The following RTN4 variants were observed in gnomAD, a reference collection of about 807,000 sequenced individuals.
RTN4 encodes the protein reticulon-4.
In RTN4, 32 loss-of-function variants were observed where a neutral mutation model predicts 90.4. That is an observed-to-expected ratio of 0.35 (90% CI 0.27 to 0.48). The LOEUF (loss-of-function observed/expected upper bound fraction) is 0.48, where lower values mean the gene tolerates loss of function less well. Ranked by LOEUF, RTN4 falls within the 20% of genes least tolerant of loss-of-function variation. The pLI is 0.99. For missense variants in RTN4, 1,706 were observed against 1,430.2 expected (o/e 1.19, Z -3.11); for synonymous variants, 629 against 552.5 (o/e 1.14, Z -1.94).
At chr2:54,998,102 T>C (rs1171546841) in intron 3 of RTN4, among the ~76,000 whole-genome samples, 1 of 152,074 alleles carries the variant, frequency 6.6e-6, no homozygotes, top group Non-Finnish European at 1.5e-5. Context: ...ATATATTTTA[T>C]GATTCTGTTT....
chr2:55,134,119 A>ATGTCG, the RTN4 span, among the ~76,000 whole-genome samples: 3 of 152,252 alleles, frequency 2.0e-5, no homozygotes, highest in East Asian at 5.8e-4. Flanking sequence ...GTAAACTGTC[A>ATGTCG]TGTCGCTAGT....
chr2:55,087,081 T>C (rs1008230624), intron 1 of RTN4, among the ~76,000 whole-genome samples: 4 of 152,234 alleles, frequency 2.6e-5, no homozygotes, highest in African/African-American at 4.8e-5. Flanking sequence ...TACTGCTGTG[T>C]AGCATTCTAT....
the RTN4 span, among the ~76,000 whole-genome samples, chr2:55,132,502 C>CA: frequency 0.25 from 34,972 of 142,724 alleles, 4,816 homozygotes; most frequent in East Asian, 0.5. Context: ...GACTCTGTCT[C>CA]AAAAAAAAAA....
Position 55,050,052 on chromosome 2 carries a change from A to G in RTN4, c.249T>C (p.Asn83=). The change falls in exon 1 of 9, where the codon AAT becomes AAC. Residue 83 remains asparagine (N), a synonymous_variant. Transcript: ENST00000337526. This position sits in a 1 kb window ranked among gnomAD's most constrained non-coding sequence, Gnocchi z 4.6. ...AAGAPLMDFG[N]DFVPPAPRGP... is the part of the protein sequence containing the mutation. ...CCCGGGGCGCCGGCGGCACGAAGTC[A>G]TTTCCGAAGTCCATCAGGGGCGCGC... The G allele has an allele frequency of 7.1e-7, 1 of 1,417,652 alleles. No individual in the cohort carries two copies. The highest frequency in any genetic ancestry group is 9.2e-7 in the Non-Finnish European group (1 of 1,092,240). The allele number at this position is 1,417,652 out of a possible 1,614,324, so 87.8% of individuals were successfully genotyped here.
chr2:55,044,785 TAAAAAAAAAAAAA>T lies in RTN4; in HGVS notation c.556+4947_556+4959del, dbSNP rs10639848. Among the ~76,000 whole-genome samples, 138 of 65,668 alleles carry T rather than the reference TAAAAAAAAAAAAA, an allele frequency of 2.1e-3. 1 individual carries two copies. Among genetic ancestry groups the T allele is most frequent in the African/African-American group, 7.5e-3 (120 of 16,094 alleles). The allele number at this position is 65,668 out of a possible 152,430, so 43.1% of individuals were successfully genotyped here. ...GGATTTGAGAGAGTTTGCAAATCACTAAAAAAAAAAAAAAAAAAAAAAAAAGACCACAAATTTG... is the reference window on the plus strand; with the variant it reads ...GGATTTGAGAGAGTTTGCAAATCACTAAAAAAAAAAAAGACCACAAATTTG... On this transcript the variant is annotated intron_variant, in intron 1 of 8. Transcript: ENST00000337526.
rs746275920 is a variant in RTN4 at position 55,025,359 on chromosome 2, C to T, written c.2740G>A (p.Glu914Lys). The T allele has an allele frequency of 3.1e-6, 5 of 1,613,862 alleles. No individual in the cohort carries two copies. Among genetic ancestry groups the T allele is most frequent in the African/African-American group, 2.7e-5 (2 of 74,912 alleles). The change falls in exon 3 of 9, where the codon GAA (glutamate) becomes AAA (lysine). Residue 914 changes from glutamate (E) to lysine (K), a missense_variant. By Grantham distance (56) the Glu-to-Lys change is moderately conservative. Coordinates refer to ENST00000337526, the MANE Select transcript of RTN4 (RefSeq NM_020532.5). Reference protein sequence around the residue: ...PDGAGSLPCTELPHDLSLKNI... With the variant: ...PDGAGSLPCTKLPHDLSLKNI... Reference sequence around the variant, plus strand: ...TTCAAAGAAAGGTCATGGGGCAATTCTGTGCAAGGCAATGACCCAGCTCCA... The same window carrying T: ...TTCAAAGAAAGGTCATGGGGCAATTTTGTGCAAGGCAATGACCCAGCTCCA...
chr2:55,125,488 G>A, the RTN4 span, among the ~76,000 whole-genome samples: 15 of 152,218 alleles, frequency 9.9e-5, no homozygotes, highest in Non-Finnish European at 1.6e-4. Flanking sequence ...ACATATGGCC[G>A]GGTGCGGTGG....
intron 1 of RTN4, among the ~76,000 whole-genome samples, chr2:55,106,595 C>G (rs1667948319): frequency 6.6e-6 from 1 of 152,100 alleles, no homozygotes; most frequent in South Asian, 2.1e-4. Context: ...TCTCGGCTCA[C>G]TGCAACCTCT....
intron 1 of RTN4, among the ~76,000 whole-genome samples, chr2:55,086,867 T>C (rs1668852059): frequency 6.6e-6 from 1 of 150,684 alleles, no homozygotes; most frequent in Non-Finnish European, 1.5e-5. Flanking sequence ...ACTGTGTTTC[T>C]CAGAATGGTC....
chr2:55,087,844 T>C (rs1447261620), intron 1 of RTN4, among the ~76,000 whole-genome samples: 1 of 152,218 alleles, frequency 6.6e-6, no homozygotes, highest in Non-Finnish European at 1.5e-5. Flanking sequence ...GTGATTTGTA[T>C]GGTTGGATGT....
At chr2:55,041,296 C>T (rs1032558421) in intron 1 of RTN4, among the ~76,000 whole-genome samples, 10 of 151,924 alleles carry the variant, frequency 6.6e-5, no homozygotes, top group Non-Finnish European at 5.9e-5. Flanking sequence ...GAAAAATACA[C>T]AATATCAACA....
chr2:54,986,969 G>C (rs917649285), intron 4 of RTN4, among the ~76,000 whole-genome samples: 3 of 152,026 alleles, frequency 2.0e-5, no homozygotes, highest in Admixed American at 2.0e-4. Context: ...TGAAAACAAG[G>C]GTAGAAGATG....
At chr2:55,080,742 C>T (rs1460019370) in intron 1 of RTN4, 3 of 152,202 alleles carry the variant, frequency 2.0e-5, no homozygotes, top group Non-Finnish European at 4.4e-5. Flanking sequence ...CCTAACTGGG[C>T]ATATGACCCT....
intron 1 of RTN4, among the ~76,000 whole-genome samples, chr2:55,095,924 A>T (rs1669024211): frequency 6.6e-6 from 1 of 152,182 alleles, no homozygotes; most frequent in African/African-American, 2.4e-5. Flanking sequence ...AATTTGTAGA[A>T]TGTCCCTCAC....
At chr2:55,101,338 T>C (rs1667849372) in intron 1 of RTN4, among the ~76,000 whole-genome samples, 1 of 152,078 alleles carries the variant, frequency 6.6e-6, no homozygotes. Context: ...TGTAACTTGT[T>C]CAGAAGAGTG....
intron 4 of RTN4, among the ~76,000 whole-genome samples, chr2:54,984,491 A>G (rs1678391852): frequency 6.6e-6 from 1 of 152,214 alleles, no homozygotes; most frequent in South Asian, 2.1e-4. Flanking sequence ...GGCTGATATA[A>G]CCCTGGTTGG....
Position 55,049,833 on chromosome 2 carries a change from C to A in RTN4, c.468G>T (p.Glu156Asp). 7.7e-7 allele frequency: 1 copy of A among 1,306,814 alleles called. No homozygotes were observed. The highest frequency in any genetic ancestry group is 9.7e-7 in the Non-Finnish European group (1 of 1,029,804). 81.0% of individuals were successfully genotyped at this position (1,306,814 alleles called of 1,614,324 possible). Reference protein sequence around the residue: ...PPPASVSPQAEPVWTPPAPAP... With the variant: ...PPPASVSPQADPVWTPPAPAP... ...CCGGGGCTGGCGGGGTCCACACGGG[C>A]TCTGCCTGGGGGCTCACGCTGGCCG... The change falls in exon 1 of 9, where the codon GAG becomes GAT. Residue 156 changes from glutamate to aspartate, a missense_variant. Glu to Asp is a conservative substitution (Grantham distance 45). Transcript: ENST00000337526.
chr2:55,058,048 A>C (rs1668221254), intron 2 of RTN4, among the ~76,000 whole-genome samples: 1 of 152,194 alleles, frequency 6.6e-6, no homozygotes, highest in Admixed American at 6.6e-5. Flanking sequence ...AAGAGAACTA[A>C]AACTAGGATG....
At chr2:55,074,994 G>A (rs1178182935) in intron 2 of RTN4, among the ~76,000 whole-genome samples, 3 of 152,148 alleles carry the variant, frequency 2.0e-5, no homozygotes, top group Admixed American at 6.6e-5. Context: ...AAAAGTTGAA[G>A]GTATTGCCCC....
Sources: gnomAD v4.1 joint callset for allele counts (sites outside exome capture counted in the v4.1 genomes callset) on GRCh38, gnomAD v4.1.1 for gene constraint, Gnocchi (gnomAD v3.1) non-coding constraint, MANE v1.5 for transcripts, NCBI Gene and HGNC (gene_info 2026-07-23, HGNC 2026-07-21) for gene names.